Variants in FAM135B observed in about 807,000 individuals in gnomAD.
FAM135B encodes protein FAM135B.
Under a neutral mutation model 127.7 loss-of-function variants are expected in FAM135B, and 43 were observed. The ratio of observed to expected loss-of-function variants is 0.34; its 90% CI spans 0.26 to 0.43. The LOEUF (loss-of-function observed/expected upper bound fraction) is 0.43, where lower values mean the gene tolerates loss of function less well. FAM135B is among the 20% of genes least tolerant of loss of function. The pLI is 1.00. For missense variants in FAM135B, 1,558 were observed against 1,725.6 expected (o/e 0.90, Z 1.72); for synonymous variants, 670 against 665.1 (o/e 1.01, Z -0.11).
chr8:138,389,370 G>A (rs1045170427), intron 1 of FAM135B, among the ~76,000 whole-genome samples: 12 of 152,180 alleles, frequency 7.9e-5, no homozygotes, highest in African/African-American at 2.9e-4. Flanking sequence ...ATTGTTCGTA[G>A]CAGCATTATT....
chr8:138,424,040 G>T (rs1429356556), intron 1 of FAM135B, among the ~76,000 whole-genome samples: 1 of 152,148 alleles, frequency 6.6e-6, no homozygotes, highest in East Asian at 1.9e-4. Flanking sequence ...GAACATTGCT[G>T]TTATCATGTT....
intron 3 of FAM135B, among the ~76,000 whole-genome samples, chr8:138,295,782 A>G (rs970600462): frequency 1.3e-5 from 2 of 152,224 alleles, no homozygotes; most frequent in Middle Eastern, 3.2e-3. Context: ...AGGAAAGATT[A>G]TGTCTTTTAA....
intron 2 of FAM135B, among the ~76,000 whole-genome samples, chr8:138,359,356 GAA>G (rs1484752441): frequency 6.6e-6 from 1 of 152,156 alleles, no homozygotes; most frequent in African/African-American, 2.4e-5. Context: ...TTGAACAACT[GAA>G]AAGTCATGAG....
chr8:138,359,942 A>G (rs1194532117), intron 2 of FAM135B, among the ~76,000 whole-genome samples: 2 of 152,206 alleles, frequency 1.3e-5, no homozygotes, highest in Non-Finnish European at 2.9e-5. Flanking sequence ...TAACATTTCT[A>G]TGAGCCTTCA....
chr8:138,172,170 G>C (rs1181734686), intron 11 of FAM135B, among the ~76,000 whole-genome samples: 2 of 152,234 alleles, frequency 1.3e-5, no homozygotes, highest in Non-Finnish European at 2.9e-5. Context: ...CAGGGAGAAT[G>C]TGGAGTTGGA....
intron 2 of FAM135B, among the ~76,000 whole-genome samples, chr8:138,354,207 C>A (rs1328154638): frequency 1.3e-5 from 2 of 152,102 alleles, no homozygotes; most frequent in Admixed American, 6.6e-5. Context: ...GTTTCATAGT[C>A]TTCCTTTATC....
intron 12 of FAM135B, among the ~76,000 whole-genome samples, chr8:138,159,304 CAT>C (rs1221234809): frequency 1.5e-5 from 2 of 135,024 alleles, no homozygotes; most frequent in African/African-American, 2.7e-5. Context: ...CACATGCACA[CAT>C]ATGTTTATTG....
At chr8:138,365,192 C>T (rs1424168528) in intron 2 of FAM135B, among the ~76,000 whole-genome samples, 2 of 152,096 alleles carry the variant, frequency 1.3e-5, no homozygotes, top group Admixed American at 6.5e-5. Context: ...AGAGTGGTTC[C>T]AAGTTCTGGT....
chr8:138,154,584 T>C (rs1818519217), intron 12 of FAM135B, among the ~76,000 whole-genome samples: 2 of 151,964 alleles, frequency 1.3e-5, no homozygotes, highest in Admixed American at 6.6e-5. Context: ...ATAAACAGCA[T>C]AGAGAAGACC....
In FAM135B at chr8:138,152,453, C is replaced by G. The variant is rs578029235; in HGVS notation, c.2022G>C (p.Gly674=). The G allele has an allele frequency of 6.2e-7, 1 of 1,614,132 alleles. No homozygotes were observed. Among genetic ancestry groups the G allele is most frequent in the Admixed American group, 1.7e-5 (1 of 60,016 alleles). ...TGATGGATGAAGATCTCTTGATGACCCCGGATAGCACTGAGAGTTCCTCCT... is the reference window on the plus strand; with the variant it reads ...TGATGGATGAAGATCTCTTGATGACGCCGGATAGCACTGAGAGTTCCTCCT... ...EEQEELSVLS[G]VIKRSSSIIS... Residue 674 remains glycine (G), a synonymous_variant, in exon 13 of 20, where the codon GGG becomes GGC. Coordinates refer to ENST00000395297, the MANE Select transcript of FAM135B (RefSeq NM_015912.4).
At chr8:138,437,152 G>A (rs938221316) in intron 1 of FAM135B, 2 of 152,090 alleles carry the variant, frequency 1.3e-5, no homozygotes, top group Non-Finnish European at 2.9e-5. Context: ...ATTCCTCAGG[G>A]GTTTAGAAAT....
intron 12 of FAM135B, among the ~76,000 whole-genome samples, chr8:138,158,161 T>C (rs545439478): frequency 6.6e-6 from 1 of 152,314 alleles, no homozygotes; most frequent in Admixed American, 6.5e-5. Context: ...TACAACCATC[T>C]GATCTTTGAC....
intron 7 of FAM135B, among the ~76,000 whole-genome samples, chr8:138,213,615 T>A (rs1462109332): frequency 2.6e-5 from 4 of 152,030 alleles, no homozygotes. Flanking sequence ...AAGGATCAGA[T>A]GTGGAGAAAG....
chr8:138,171,705 A>T lies in FAM135B; in HGVS notation c.1104-3656T>A, dbSNP rs571826203. ...CGAGCACTTTTTGAGTCTGGACTCT[A>T]TGTGGGCAATGAGGAAGCAGTGAAG... On this transcript the variant is annotated intron_variant, in intron 11 of 19. Coordinates refer to ENST00000395297, the MANE Select transcript of FAM135B (RefSeq NM_015912.4). Among the ~76,000 whole-genome samples the T allele has an allele frequency of 3.9e-4, 59 of 152,284 alleles. 1 individual carries two copies. The highest frequency in any genetic ancestry group is 1.3e-3 in the African/African-American group (56 of 41,570).
At chr8:138,187,868 G>A (rs1011382114) in intron 9 of FAM135B, among the ~76,000 whole-genome samples, 4 of 152,208 alleles carry the variant, frequency 2.6e-5, no homozygotes, top group African/African-American at 9.6e-5. Flanking sequence ...CCCGATCTCT[G>A]GAGAAAGGAG....
chr8:138,422,414 C>G (rs1465717928), intron 1 of FAM135B, among the ~76,000 whole-genome samples: 5 of 151,854 alleles, frequency 3.3e-5, no homozygotes, highest in Admixed American at 2.0e-4. Context: ...TAAACTTTAA[C>G]CAACAAGCAA....
At chr8:138,471,015 G>C (rs980335826) in intron 1 of FAM135B, among the ~76,000 whole-genome samples, 2 of 152,204 alleles carry the variant, frequency 1.3e-5, no homozygotes, top group Non-Finnish European at 2.9e-5. Context: ...ACTGTGTGGG[G>C]CTGAGAGGTA....
rs184450034 is a variant in FAM135B, at chr8:138,217,139, T to A, written c.670-19470A>T. Among the ~76,000 whole-genome samples the A allele has an allele frequency of 7.2e-5, 11 of 152,298 alleles. No homozygotes were observed. The South Asian group carries it at 8.3e-4, about 11-fold the overall frequency. Reference sequence around the variant, plus strand: ...ATCATCAACAGCATCATCACCATTATCTAATGCCTGACGAATATGCCCACT... The same window carrying A: ...ATCATCAACAGCATCATCACCATTAACTAATGCCTGACGAATATGCCCACT... On this transcript the variant is annotated intron_variant, in intron 7 of 19. Coordinates refer to ENST00000395297, the MANE Select transcript of FAM135B (RefSeq NM_015912.4).
At chr8:138,229,743 G>T (rs1819768933) in intron 7 of FAM135B, among the ~76,000 whole-genome samples, 1 of 152,154 alleles carries the variant, frequency 6.6e-6, no homozygotes, top group Non-Finnish European at 1.5e-5. Context: ...GTTTCACATG[G>T]CTGGGGAGGC....
Sources: gnomAD v4.1 joint callset for allele counts (sites outside exome capture counted in the v4.1 genomes callset) on GRCh38, gnomAD v4.1.1 for gene constraint, MANE v1.5 for transcripts, NCBI Gene and HGNC (gene_info 2026-07-23, HGNC 2026-07-21) for gene names.